The following TGM2 variants were observed in gnomAD, a reference collection of about 807,000 sequenced individuals.
TGM2 encodes the protein protein-glutamine gamma-glutamyltransferase 2.
TGM2 carries 53 observed loss-of-function variants against 75.6 expected under a neutral mutation model. The observed-to-expected ratio is 0.70, with a 90% CI of 0.56 to 0.88. TGM2 has a LOEUF of 0.88. Among genes scored for constraint, TGM2 ranks in the 40% least tolerant of loss-of-function variants. The pLI, the probability that TGM2 is intolerant of heterozygous loss-of-function variation, is 0.00. For synonymous variants in TGM2, 374 were observed against 381.1 expected (o/e 0.98, Z 0.22); for missense variants, 842 against 928.5 (o/e 0.91, Z 1.21).
intron 5 of TGM2, among the ~76,000 whole-genome samples, 167 bp from the exon 6 acceptor site, chr20:38,147,061 A>G (rs2075055262): frequency 1.3e-5 from 2 of 151,320 alleles, no homozygotes; most frequent in African/African-American, 4.9e-5. Context: ...TGTGCGGCAG[A>G]TGGTGGGGGC....
chr20:38,130,420 G>A (rs768829608), intron 12 of TGM2, 51 bp from the exon 13 acceptor site: 13 of 1,543,066 alleles, frequency 8.4e-6, no homozygotes, highest in South Asian at 2.4e-5. Flanking sequence ...CCTGGCTCCC[G>A]CATGCTGGGG....
intron 6 of TGM2, chr20:38,145,299 C>T (rs1196821470): frequency 6.6e-6 from 1 of 152,190 alleles, no homozygotes; most frequent in Non-Finnish European, 1.5e-5. Flanking sequence ...AAGCCCCAGA[C>T]CAGCCTTTTA....
In TGM2 at chr20:38,142,047, C is replaced by T. The variant is rs773264182; in HGVS notation, c.995+17G>A. ...CCTCCCTACTGGGCTCCGATCCCACCCTGGCCCCCACCTCACCAGATCATC... is the reference window on the plus strand; with the variant it reads ...CCTCCCTACTGGGCTCCGATCCCACTCTGGCCCCCACCTCACCAGATCATC... On this transcript the variant is annotated intron_variant, in intron 7 of 12. Coordinates refer to ENST00000361475, the MANE Select transcript of TGM2 (RefSeq NM_004613.4). 5 of 1,614,066 alleles carry T rather than the reference C, an allele frequency of 3.1e-6. No individual in the cohort carries two copies. The highest frequency in any genetic ancestry group is 1.7e-5 in the Admixed American group (1 of 60,024).
At chr20:38,161,246 C>T (rs576452471) in intron 2 of TGM2, among the ~76,000 whole-genome samples, 174 bp downstream of exon 2, 12 of 152,294 alleles carry the variant, frequency 7.9e-5, no homozygotes, top group East Asian at 1.9e-4. Context: ...CCTTCCTTTC[C>T]GGGCCTCAGT....
At chr20:38,137,584 C>T (rs1019197137) in intron 10 of TGM2, among the ~76,000 whole-genome samples, 3 of 152,266 alleles carry the variant, frequency 2.0e-5, no homozygotes, top group Non-Finnish European at 2.9e-5. Context: ...AGACTCAGCA[C>T]GTCTCCATCA....
chr20:38,141,487 C>T (rs140352406), intron 7 of TGM2, 102 bp from the exon 8 acceptor site: 1 of 919,926 alleles, frequency 1.1e-6, no homozygotes, highest in Non-Finnish European at 1.7e-6. Context: ...TGCAAGCTCG[C>T]CTCGTCCCAA....
At chr20:38,149,293 T>A (rs1405836435) in intron 4 of TGM2, among the ~76,000 whole-genome samples, 2 of 152,050 alleles carry the variant, frequency 1.3e-5, no homozygotes, top group African/African-American at 2.4e-5. Context: ...ATTCCTTCCT[T>A]CCTCTAGGTC....
intron 2 of TGM2, among the ~76,000 whole-genome samples, chr20:38,159,536 A>T (rs2075229786): frequency 6.6e-6 from 1 of 152,128 alleles, no homozygotes; most frequent in South Asian, 2.1e-4. Flanking sequence ...GAAAGAAAGA[A>T]AGAAAGAAAA....
Position 38,152,938 on chromosome 20 carries a change from C to T in TGM2, c.434-1881G>A, listed in dbSNP as rs45551131. Reference sequence around the variant, plus strand: ...GAACTCTGAAACCTTGTGGTGTGGACGAGGGTGGGGACACCGGCGTGTTCC... The same window carrying T: ...GAACTCTGAAACCTTGTGGTGTGGATGAGGGTGGGGACACCGGCGTGTTCC... On this transcript the variant is annotated intron_variant, in intron 3 of 12. Coordinates refer to ENST00000361475, the MANE Select transcript of TGM2 (RefSeq NM_004613.4). Among the ~76,000 whole-genome samples the T allele has an allele frequency of 1.2e-3, 185 of 149,738 alleles. 1 individual carries two copies. The East Asian group carries it at 0.032, about 26-fold the overall frequency.
chr20:38,152,536 C>T (rs2075126418), intron 3 of TGM2, among the ~76,000 whole-genome samples: 1 of 152,176 alleles, frequency 6.6e-6, no homozygotes, highest in Admixed American at 6.5e-5. Flanking sequence ...TGTCCCCACC[C>T]CAGCTCAGGA....
chr20:38,156,675 T>A (rs2075192043), intron 2 of TGM2, among the ~76,000 whole-genome samples: 1 of 151,744 alleles, frequency 6.6e-6, no homozygotes, highest in Non-Finnish European at 1.5e-5. Context: ...AGGCCCCCCA[T>A]CTGCTGTCCC....
intron 10 of TGM2, among the ~76,000 whole-genome samples, chr20:38,136,762 T>C (rs1253966156): frequency 6.6e-6 from 1 of 151,730 alleles, no homozygotes; most frequent in African/African-American, 2.4e-5. Flanking sequence ...GGCTGCTGGG[T>C]GGTGGTGGGG....
At chr20:38,149,671 T>G (rs897803085) in intron 4 of TGM2, among the ~76,000 whole-genome samples, 5 of 61,858 alleles carry the variant, frequency 8.1e-5, no homozygotes, top group African/African-American at 5.6e-4. Context: ...AGAGCGAGAC[T>G]CCGCCTCAAA....
intron 2 of TGM2, among the ~76,000 whole-genome samples, chr20:38,159,577 C>T (rs1292144744): frequency 1.3e-5 from 2 of 152,152 alleles, no homozygotes; most frequent in African/African-American, 4.8e-5. Flanking sequence ...AAATCACAGG[C>T]TGCCCAAGCC....
chr20:38,138,031 C>T, intron 10 of TGM2, 82 bp downstream of exon 10: 1 of 1,500,672 alleles, frequency 6.7e-7, no homozygotes, highest in Middle Eastern at 1.7e-4. Flanking sequence ...GGGGTGAAAT[C>T]ACACATGCTA....
At position 38,130,292 on chromosome 20, in the gene TGM2, A is replaced by T. The variant is rs762776014; in HGVS notation, c.1991T>A (p.Leu664Gln). ...LLPLHMGLHK[L>Q]VVNFESDKLK... ...CTTGTCGCTCTCGAAGTTCACCACC[A>T]GCTTGTGGAGGCCCATGTGGAGCGG... is the stretch of plus-strand genomic sequence containing the variant. The change falls in exon 13 of 13, where the codon CTG becomes CAG. Residue 664 changes from leucine (L) to glutamine (Q), a missense_variant. By Grantham distance (113) the Leu-to-Gln change is moderately radical. Transcript: ENST00000361475. 6.2e-7 allele frequency: 1 copy of T among 1,612,766 alleles called. No individual in the cohort carries two copies. The highest frequency in any genetic ancestry group is 8.5e-7 in the Non-Finnish European group (1 of 1,179,668).
chr20:38,132,448 C>A lies in TGM2; in HGVS notation c.1668G>T (p.Thr556=). 6.2e-7 allele frequency: 1 copy of A among 1,614,126 alleles called. No homozygotes were observed. Among genetic ancestry groups the A allele is most frequent in the Non-Finnish European group, 8.5e-7 (1 of 1,180,028 alleles). ...ILYEKYRDCL[T]ESNLIKVRAL... ...CCCGCACCTTGATGAGGTTGGACTCCGTAAGGCAGTCACGGTATTTCTCAT... is the reference window on the plus strand; with the variant it reads ...CCCGCACCTTGATGAGGTTGGACTCAGTAAGGCAGTCACGGTATTTCTCAT... Residue 556 remains threonine, a synonymous_variant, in exon 11 of 13, where the codon ACG becomes ACT. Transcript: ENST00000361475.
At chr20:38,159,567 A>T (rs2075230296) in intron 2 of TGM2, among the ~76,000 whole-genome samples, 2 of 152,216 alleles carry the variant, frequency 1.3e-5, no homozygotes, top group South Asian at 4.1e-4. Context: ...AAGAAAGTAG[A>T]AATCACAGGC....
chr20:38,158,540 C>T (rs2075215237), intron 2 of TGM2, among the ~76,000 whole-genome samples: 1 of 152,190 alleles, frequency 6.6e-6, no homozygotes, highest in Admixed American at 6.5e-5. Context: ...CCCTTCACTC[C>T]TCCAGGCTGA....
Sources: gnomAD v4.1 joint callset for allele counts (sites outside exome capture counted in the v4.1 genomes callset) on GRCh38, gnomAD v4.1.1 for gene constraint, MANE v1.5 for transcripts, NCBI Gene and HGNC (gene_info 2026-07-23, HGNC 2026-07-21) for gene names.